CCDC30: variants seen among roughly 807,000 people sequenced by gnomAD.
CCDC30 encodes the protein coiled-coil domain-containing protein 30.
Under a neutral mutation model 100.2 loss-of-function variants are expected in CCDC30, and 70 were observed. The observed-to-expected ratio is 0.70, with a 90% CI of 0.58 to 0.85. The LOEUF is 0.85. CCDC30 is among the 40% of genes least tolerant of loss of function. The probability of loss-of-function intolerance (pLI) is 0.00; values close to 1 mark genes in which losing one functional copy is unlikely to be tolerated. For synonymous variants in CCDC30, 233 were observed against 269.5 expected (o/e 0.86, Z 1.33); for missense variants, 652 against 771.2 (o/e 0.85, Z 1.83).
chr1:42,599,222 T>C (rs1453537053), intron 10 of CCDC30, among the ~76,000 whole-genome samples: 1 of 152,222 alleles, frequency 6.6e-6, no homozygotes, highest in Non-Finnish European at 1.5e-5. Context: ...TACACTTAGA[T>C]ATGCTTATGT....
At chr1:42,635,951 T>C (rs1237416614) in intron 11 of CCDC30, among the ~76,000 whole-genome samples, 3 of 152,228 alleles carry the variant, frequency 2.0e-5, no homozygotes, top group African/African-American at 7.2e-5. Context: ...GCACTTGTTA[T>C]TATCTGTCAT....
At chr1:42,547,032 G>T (rs548262762) in intron 6 of CCDC30, among the ~76,000 whole-genome samples, 1 of 152,262 alleles carries the variant, frequency 6.6e-6, no homozygotes, top group Admixed American at 6.5e-5. Flanking sequence ...AGATTATTTT[G>T]CGAGTTTGGG....
Position 42,510,131 on chromosome 1 carries a change from T to C in CCDC30, c.456+11215T>C, listed in dbSNP as rs528370193. On this transcript the variant is annotated intron_variant, in intron 6 of 16. Coordinates refer to ENST00000668663, the Ensembl canonical transcript of CCDC30. ...AACCAGGGCATCTGGAAGTTGCATTTGAGGGTTTCAATTAGGGTTGTCAAT... is the reference window on the plus strand; with the variant it reads ...AACCAGGGCATCTGGAAGTTGCATTCGAGGGTTTCAATTAGGGTTGTCAAT... The C allele has an allele frequency of 1.2e-5, 12 of 985,158 alleles. 1 individual carries two copies. The highest frequency in any genetic ancestry group is 1.2e-6 in the Non-Finnish European group (1 of 829,810). 61.0% of individuals were successfully genotyped at this position (985,158 alleles called of 1,614,324 possible).
chr1:42,614,295 T>G (rs574335986), intron 11 of CCDC30, among the ~76,000 whole-genome samples: 102 of 151,908 alleles, frequency 6.7e-4, no homozygotes, highest in Middle Eastern at 3.4e-3. Flanking sequence ...TTAGCCAGGA[T>G]GGTCTCGATC....
intron 15 of CCDC30, among the ~76,000 whole-genome samples, chr1:42,648,954 T>C (rs1278063035): frequency 2.0e-5 from 3 of 151,496 alleles, no homozygotes; most frequent in Non-Finnish European, 4.4e-5. Flanking sequence ...CTAGAAGAAA[T>C]GGATAAATTT....
At chr1:42,487,207 T>C (rs1442077942) in intron 3 of CCDC30, among the ~76,000 whole-genome samples, 2 of 151,646 alleles carry the variant, frequency 1.3e-5, no homozygotes, top group African/African-American at 4.8e-5. Context: ...ATTTTCTTAA[T>C]AGGGTGATGG....
intron 1 of CCDC30, among the ~76,000 whole-genome samples, chr1:42,465,906 T>G (rs992202108): frequency 6.6e-6 from 1 of 152,250 alleles, no homozygotes; most frequent in African/African-American, 2.4e-5. Context: ...TTCATTTTTT[T>G]GTTCTGTCAC....
intron 6 of CCDC30, among the ~76,000 whole-genome samples, chr1:42,561,336 A>C (rs1247160848): frequency 6.6e-6 from 1 of 152,194 alleles, no homozygotes; most frequent in East Asian, 1.9e-4. Flanking sequence ...CATCACATAA[A>C]CGGAACCAAA....
At chr1:42,553,849 T>C (rs11801450) in intron 6 of CCDC30, among the ~76,000 whole-genome samples, 2 of 152,228 alleles carry the variant, frequency 1.3e-5, no homozygotes, top group African/African-American at 4.8e-5. Context: ...TTGCATCATT[T>C]GAATATATTA....
intron 7 of CCDC30, among the ~76,000 whole-genome samples, chr1:42,567,152 G>A (rs1021395017): frequency 6.6e-6 from 1 of 150,932 alleles, no homozygotes; most frequent in South Asian, 2.1e-4. Flanking sequence ...GAGTTTAATG[G>A]TAGGCACAAA....
At chr1:42,517,407 A>C (rs2148498590) in intron 6 of CCDC30, among the ~76,000 whole-genome samples, 1 of 152,228 alleles carries the variant, frequency 6.6e-6, no homozygotes, top group East Asian at 1.9e-4. Flanking sequence ...CATATTCAAA[A>C]GTTTTTAGTT....
At chr1:42,462,891 G>C (rs1030354627), upstream of CCDC30, among the ~76,000 whole-genome samples, 1 of 152,162 alleles carries the variant, frequency 6.6e-6, no homozygotes, top group Non-Finnish European at 1.5e-5. Flanking sequence ...CTAGTGACAC[G>C]ATCTAGGCCT....
At chr1:42,491,538 A>G (rs1644142187) in intron 4 of CCDC30, among the ~76,000 whole-genome samples, 1 of 152,150 alleles carries the variant, frequency 6.6e-6, no homozygotes, top group African/African-American at 2.4e-5. Flanking sequence ...AAGACCTAGT[A>G]TTTGATAGCA....
intron 6 of CCDC30, among the ~76,000 whole-genome samples, chr1:42,553,522 G>A (rs185630464): frequency 2.1e-4 from 32 of 152,090 alleles, no homozygotes; most frequent in African/African-American, 7.5e-4. Context: ...TGGATGCAGT[G>A]GCTTACACCT....
At chr1:42,580,754 T>C (rs777834601) in intron 8 of CCDC30, 1 of 435,698 alleles carries the variant, frequency 2.3e-6, no homozygotes, top group Non-Finnish European at 4.6e-6. Context: ...TCCCAGAGCA[T>C]TAAAAAACCT....
chr1:42,647,925 G>C (rs1190716815), intron 15 of CCDC30, among the ~76,000 whole-genome samples: 1 of 152,012 alleles, frequency 6.6e-6, no homozygotes, highest in Non-Finnish European at 1.5e-5. Context: ...GCAATATTAA[G>C]AGGGGAGTTT....
chr1:42,557,737 T>C (rs1645401397), intron 6 of CCDC30, among the ~76,000 whole-genome samples: 1 of 115,364 alleles, frequency 8.7e-6, no homozygotes, highest in South Asian at 2.5e-4. Flanking sequence ...ATATTTAAAA[T>C]TTTAAAATAT....
the CCDC30 span, chr1:42,457,027 C>G: frequency 6.2e-7 from 1 of 1,601,610 alleles, no homozygotes; most frequent in Non-Finnish European, 8.5e-7. Flanking sequence ...CTTTGGCGGA[C>G]TATTTGCATC....
At chr1:42,524,024 T>C (rs2148506551) in intron 6 of CCDC30, among the ~76,000 whole-genome samples, 1 of 152,208 alleles carries the variant, frequency 6.6e-6, no homozygotes, top group South Asian at 2.1e-4. Flanking sequence ...TAAGCTTCCT[T>C]AATATAGTTT....
Sources: gnomAD v4.1 joint callset for allele counts (sites outside exome capture counted in the v4.1 genomes callset) on GRCh38, gnomAD v4.1.1 for gene constraint, MANE v1.5 for transcripts, NCBI Gene and HGNC (gene_info 2026-07-23, HGNC 2026-07-21) for gene names.